Variants in REV3L observed in about 807,000 individuals in gnomAD.
The protein encoded by REV3L is DNA polymerase zeta catalytic subunit.
In REV3L, 69 loss-of-function variants were observed where a neutral mutation model predicts 299.4. The ratio of observed to expected loss-of-function variants is 0.23; its 90% CI spans 0.19 to 0.28. REV3L has a LOEUF of 0.28. Among genes scored for constraint, REV3L ranks in the 10% least tolerant of loss-of-function variants. The pLI, the probability that REV3L is intolerant of heterozygous loss-of-function variation, is 1.00. For synonymous variants in REV3L, 1,238 were observed against 1,271.4 expected, an observed-to-expected ratio of 0.97 and a Z score of 0.56; for missense variants, 3,128 against 3,693.8, an observed-to-expected ratio of 0.85 and a Z score of 3.97.
chr6:111,340,330 T>C (rs541091019), intron 21 of REV3L, among the ~76,000 whole-genome samples: 8 of 152,290 alleles, frequency 5.3e-5, no homozygotes, highest in Admixed American at 4.6e-4. Flanking sequence ...TTAGGAATTA[T>C]ATAGATTAGT....
chr6:111,397,909 T>A (rs1025516520), intron 4 of REV3L, among the ~76,000 whole-genome samples: 1 of 152,000 alleles, frequency 6.6e-6, no homozygotes, highest in African/African-American at 2.4e-5. Context: ...AGTGTCAGGC[T>A]TACGGTGCCC....
At position 111,409,779 on chromosome 6, in the gene REV3L, T is replaced by A. The variant is rs138468250; in HGVS notation, c.404+1701A>T. On this transcript the variant is annotated intron_variant, in intron 3 of 31. Coordinates refer to ENST00000368802, the MANE Select transcript of REV3L (RefSeq NM_001372078.1). ...GTGGCACCAGTGTGTAATTTTTTTTTAAATTTTTTTATTCTGCAGTAATCA... is the reference window on the plus strand; with the variant it reads ...GTGGCACCAGTGTGTAATTTTTTTTAAAATTTTTTTATTCTGCAGTAATCA... Among the ~76,000 whole-genome samples, 294 of 152,302 alleles carry A rather than the reference T, an allele frequency of 1.9e-3. 3 individuals are homozygous for A. The highest frequency in any genetic ancestry group is 3.4e-3 in the Middle Eastern group (1 of 294).
intron 3 of REV3L, among the ~76,000 whole-genome samples, chr6:111,409,157 T>G (rs573863889): frequency 6.6e-6 from 1 of 152,364 alleles, no homozygotes; most frequent in Non-Finnish European, 1.5e-5. Context: ...CTGTTCAATC[T>G]GTTGCAGTAT....
At chr6:111,333,450 TCTG>T in intron 22 of REV3L, 83 bp from the exon 23 acceptor site, 1 of 1,509,678 alleles carries the variant, frequency 6.6e-7, no homozygotes, top group Non-Finnish European at 9.0e-7. Context: ...TTGAGGATAA[TCTG>T]CTTTTCAGAA....
chr6:111,331,757 G>A lies in REV3L; in HGVS notation c.7953C>T (p.Thr2651=), dbSNP rs1452031937. 1 of 1,612,746 alleles carries A rather than the reference G, an allele frequency of 6.2e-7. No homozygotes were observed. Among genetic ancestry groups the A allele is most frequent in the East Asian group, 2.2e-5 (1 of 44,730 alleles). The change falls in exon 24 of 32, where the codon ACC becomes ACT. Residue 2651 remains threonine, a synonymous_variant. Coordinates refer to ENST00000368802, the MANE Select transcript of REV3L (RefSeq NM_001372078.1). ...GTAAATCTGGAGGTACTCTCAGAGA[G>A]GTACAGCCAAATTTGAACTCATCAT... ...GKYDEFKFGC[T]SLRVPPDLLY... is the part of the protein sequence containing the mutation.
intron 4 of REV3L, among the ~76,000 whole-genome samples, chr6:111,404,320 GAA>G (rs780073209): frequency 1.3e-5 from 2 of 152,132 alleles, no homozygotes; most frequent in Admixed American, 1.3e-4. Flanking sequence ...CTACTGCTCA[GAA>G]AAAAGATTCC....
In REV3L at chr6:111,375,945, GAAC is replaced by G. The variant is rs1484003586; in HGVS notation, c.2407_2409del (p.Val803del). 6.2e-7 allele frequency: 1 copy of G among 1,613,918 alleles called. No individual in the cohort carries two copies. Among genetic ancestry groups the G allele is most frequent in the Admixed American group, 1.7e-5 (1 of 60,004 alleles). On this transcript the variant is annotated inframe_deletion, in exon 13 of 32. Transcript: ENST00000368802. ...TGTGGTCTAGTAAGACAGTTAGAAA[GAAC>G]AACACTGGGAAAAAACATATAGTGT...
At chr6:111,420,300 T>C (rs1469022240) in intron 1 of REV3L, among the ~76,000 whole-genome samples, 2 of 152,216 alleles carry the variant, frequency 1.3e-5, no homozygotes, top group Non-Finnish European at 2.9e-5. Flanking sequence ...CTTTGATATG[T>C]ATACACCATG....
intron 30 of REV3L, 182 bp from the exon 31 acceptor site, chr6:111,307,752 A>C: frequency 1.7e-6 from 1 of 588,992 alleles, no homozygotes; most frequent in Non-Finnish European, 3.0e-6. Context: ...AAATGAATGA[A>C]GTCCTTGCCT....
chr6:111,365,151 A>G (rs1352431652), intron 15 of REV3L, 114 bp downstream of exon 15: 23 of 663,290 alleles, frequency 3.5e-5, no homozygotes. Flanking sequence ...TAATGATGCA[A>G]AAATTTAAGT....
chr6:111,425,028 A>G (rs1786003590), intron 1 of REV3L, among the ~76,000 whole-genome samples: 1 of 152,162 alleles, frequency 6.6e-6, no homozygotes, highest in East Asian at 1.9e-4. Context: ...AAGAAGACTA[A>G]TATTTTGCCT....
chr6:111,384,444 A>G (rs939642397), intron 9 of REV3L, among the ~76,000 whole-genome samples: 1 of 152,232 alleles, frequency 6.6e-6, no homozygotes, highest in Non-Finnish European at 1.5e-5. Flanking sequence ...AAAGATCTGA[A>G]CAGACATTTC....
intron 13 of REV3L, among the ~76,000 whole-genome samples, chr6:111,369,287 A>C (rs1779545777): frequency 6.6e-6 from 1 of 151,068 alleles, no homozygotes; most frequent in African/African-American, 2.4e-5. Context: ...GTCTCAAAAA[A>C]AAAAAAAAAA....
At chr6:111,399,044 A>G (rs1179811470) in intron 4 of REV3L, among the ~76,000 whole-genome samples, 3 of 152,182 alleles carry the variant, frequency 2.0e-5, no homozygotes, top group East Asian at 3.8e-4. Context: ...CCTTCTGAGT[A>G]CCATTCCAAT....
At chr6:111,307,767 G>T in intron 30 of REV3L, 197 bp from the exon 31 acceptor site, 9 of 565,248 alleles carry the variant, frequency 1.6e-5, no homozygotes, top group East Asian at 2.9e-5. Context: ...TTGCCTTCAT[G>T]GAACTTACAT....
intron 30 of REV3L, among the ~76,000 whole-genome samples, chr6:111,308,874 C>T (rs1213698496): frequency 1.3e-5 from 2 of 152,204 alleles, no homozygotes; most frequent in Admixed American, 1.3e-4. Context: ...TTTAGGAAAC[C>T]AGGAGAGCAT....
intron 31 of REV3L, among the ~76,000 whole-genome samples, 175 bp downstream of exon 31, chr6:111,307,186 C>A (rs937179155): frequency 3.3e-5 from 5 of 152,016 alleles, no homozygotes; most frequent in Admixed American, 1.3e-4. Flanking sequence ...AATTATAAAA[C>A]AAACCATTAT....
intron 21 of REV3L, among the ~76,000 whole-genome samples, chr6:111,339,177 CAATT>C (rs1582585602): frequency 2.0e-5 from 3 of 152,064 alleles, no homozygotes; most frequent in East Asian, 3.8e-4. Flanking sequence ...AAAGACGTAC[CAATT>C]AATTAACATT....
chr6:111,467,247 G>C (rs1306045163), intron 1 of REV3L, among the ~76,000 whole-genome samples: 2 of 152,216 alleles, frequency 1.3e-5, no homozygotes, highest in African/African-American at 4.8e-5. Flanking sequence ...CAAGGGAAAA[G>C]GTCAAAGTAC....
Sources: allele counts gnomAD v4.1 joint callset (sites outside exome capture counted in the v4.1 genomes callset), GRCh38; gene constraint gnomAD v4.1.1; transcripts MANE v1.5; gene names NCBI Gene and HGNC (gene_info 2026-07-23, HGNC 2026-07-21).